The following KLHL5 variants were observed in gnomAD, a reference collection of about 807,000 sequenced individuals.
The protein encoded by KLHL5 is kelch like family member 5, also known as kelch-like protein 5.
In KLHL5, 48 loss-of-function variants were observed where a neutral mutation model predicts 77.7. That is an observed-to-expected ratio of 0.62 (90% CI 0.49 to 0.79). The LOEUF (loss-of-function observed/expected upper bound fraction) is 0.79. KLHL5 is among the 30% of genes least tolerant of loss of function. The pLI, the probability that KLHL5 is intolerant of heterozygous loss-of-function variation, is 0.00. For missense variants in KLHL5, 723 were observed against 859.7 expected, an observed-to-expected ratio of 0.84 and a Z score of 1.99; for synonymous variants, 260 against 297.0, an observed-to-expected ratio of 0.88 and a Z score of 1.28.
Position 39,096,822 on chromosome 4 carries a change from C to T in KLHL5, c.1244C>T (p.Pro415Leu). ...RPMLQSPRTKPRKSTVGTLFA... is the reference protein window; with the variant it reads ...RPMLQSPRTKLRKSTVGTLFA... ...ATGTTACAAAGTCCTCGGACAAAAC[C>T]TAGGAAGTCAACTGTTGGTACATTA... The change falls in exon 6 of 11, where the codon CCT becomes CTT. Residue 415 changes from proline (P) to leucine (L), a missense_variant. Coordinates refer to ENST00000504108, the MANE Select transcript of KLHL5 (RefSeq NM_015990.5). 6.2e-7 allele frequency: 1 copy of T among 1,613,798 alleles called. No individual in the cohort carries two copies. Among genetic ancestry groups the T allele is most frequent in the Non-Finnish European group, 8.5e-7 (1 of 1,179,824 alleles).
chr4:39,092,755 A>G (rs1163396947), intron 5 of KLHL5, among the ~76,000 whole-genome samples: 1 of 152,182 alleles, frequency 6.6e-6, no homozygotes, highest in East Asian at 1.9e-4. Flanking sequence ...CTCTTCGTCT[A>G]TAAAAACATG....
intron 5 of KLHL5, among the ~76,000 whole-genome samples, chr4:39,095,443 C>T (rs955289900): frequency 2.6e-5 from 4 of 152,048 alleles, no homozygotes; most frequent in African/African-American, 4.8e-5. Flanking sequence ...CATATATGTG[C>T]ACACACATGC....
In KLHL5 at chr4:39,062,425, C is replaced by T. The variant is rs1717500608; in HGVS notation, c.-228C>T. 9 of 1,500,648 alleles carry T rather than the reference C, an allele frequency of 6.0e-6. No homozygotes were observed. Among genetic ancestry groups the T allele is most frequent in the Middle Eastern group, 2.5e-4 (1 of 4,018 alleles). 93.0% of individuals were successfully genotyped at this position (1,500,648 alleles called of 1,614,324 possible). ...TGGATGAGAGTTTGCTCTGATTGAA[C>T]GGAATGTTCCACCGTGTTTCATCTT... On this transcript the variant is annotated 5_prime_UTR_variant, in exon 1 of 11. It adds an upstream start codon to the 5' untranslated region. Coordinates refer to ENST00000504108, the MANE Select transcript of KLHL5 (RefSeq NM_015990.5).
rs1465824749 is a variant in KLHL5 at position 39,122,706 on chromosome 4, G to A, written c.*1640G>A. ...CGGGTGCCTGTACGCCCAGCTACTC[G>A]GGAGGCTGAGGCGGGAGAATGGCGT... On this transcript the variant is annotated 3_prime_UTR_variant, in exon 11 of 11. Transcript: ENST00000504108. Among the ~76,000 whole-genome samples the A allele has an allele frequency of 6.6e-6, 1 of 152,008 alleles. No homozygotes were observed. Among genetic ancestry groups the A allele is most frequent in the African/African-American group, 2.4e-5 (1 of 41,386 alleles).
At chr4:39,105,260 C>T (rs1234484764) in intron 7 of KLHL5, among the ~76,000 whole-genome samples, 1 of 151,824 alleles carries the variant, frequency 6.6e-6, no homozygotes, top group African/African-American at 2.4e-5. Flanking sequence ...AGTCCTCCCA[C>T]CTCAGCCTCT....
At chr4:39,055,143 CT>C (rs1215422567) in intron 1 of KLHL5, among the ~76,000 whole-genome samples, 1 of 152,192 alleles carries the variant, frequency 6.6e-6, no homozygotes, top group East Asian at 1.9e-4. Flanking sequence ...AAAGCAGGGC[CT>C]GTCAAAGGCC....
At chr4:39,048,550 G>T (rs1348388139) in intron 1 of KLHL5, among the ~76,000 whole-genome samples, 16 of 151,812 alleles carry the variant, frequency 1.1e-4, no homozygotes, top group Non-Finnish European at 1.5e-5. Context: ...ATTACAAATG[G>T]TCAGTCTCAG....
At chr4:39,067,776 G>A (rs2109310420) in intron 1 of KLHL5, among the ~76,000 whole-genome samples, 1 of 151,606 alleles carries the variant, frequency 6.6e-6, no homozygotes, top group South Asian at 2.1e-4. Flanking sequence ...TGCCTCCTGG[G>A]TTCAAGCGAT....
intron 6 of KLHL5, among the ~76,000 whole-genome samples, chr4:39,097,550 ATGCCGTCCTTGCCAGGAGCATATAACC>A (rs780451977): frequency 6.6e-4 from 100 of 152,360 alleles, no homozygotes; most frequent in Middle Eastern, 3.4e-3. Flanking sequence ...CCGCCCATCT[ATGCCGTCCTTGCCAGGAGCATATAACC>A]TGAATCTAAT....
chr4:39,069,010 T>C (rs891434), intron 1 of KLHL5, among the ~76,000 whole-genome samples: 110,600 of 152,146 alleles, frequency 0.73, 40,366 homozygotes, highest in East Asian at 0.82. Context: ...CCAGGGCGGA[T>C]AGGTAGCTCT....
At chr4:39,103,082 A>G (rs1721734571) in intron 6 of KLHL5, among the ~76,000 whole-genome samples, 1 of 151,892 alleles carries the variant, frequency 6.6e-6, no homozygotes, top group African/African-American at 2.4e-5. Context: ...ACCTTTTCTT[A>G]CTGGGGCCTG....
chr4:39,082,274 A>C, intron 4 of KLHL5, 115 bp downstream of exon 4: 1 of 794,806 alleles, frequency 1.3e-6, no homozygotes, highest in Non-Finnish European at 2.0e-6. Context: ...CTTGCGATTG[A>C]GCTTCATTGC....
chr4:39,045,014 G>A, upstream of KLHL5: 1 of 993,050 alleles, frequency 1.0e-6, no homozygotes, highest in South Asian at 4.4e-5. Context: ...CAGCTCGCCG[G>A]CCCCGGCCCC....
At chr4:39,137,277 G>A in the KLHL5 span, among the ~76,000 whole-genome samples, 24 of 151,650 alleles carry the variant, frequency 1.6e-4, no homozygotes, top group African/African-American at 5.8e-4. Flanking sequence ...CCTTAACTCT[G>A]AACTGAGCCA....
chr4:39,096,951 A>C, intron 6 of KLHL5, 73 bp downstream of exon 6: 1 of 1,252,480 alleles, frequency 8.0e-7, no homozygotes, highest in Non-Finnish European at 1.1e-6. Context: ...TATATGGCCA[A>C]AGAACTCTTT....
At chr4:39,048,398 A>G (rs552581470) in intron 1 of KLHL5, among the ~76,000 whole-genome samples, 1 of 152,312 alleles carries the variant, frequency 6.6e-6, no homozygotes, top group South Asian at 2.1e-4. Flanking sequence ...CACTCCATTT[A>G]TGAGAAAGGG....
the KLHL5 span, among the ~76,000 whole-genome samples, chr4:39,132,406 C>T: frequency 6.6e-6 from 1 of 151,982 alleles, no homozygotes; most frequent in African/African-American, 2.4e-5. Context: ...CTCACAAGTT[C>T]GAGACCAGTC....
At chr4:39,068,854 C>T (rs530685341) in intron 1 of KLHL5, among the ~76,000 whole-genome samples, 2 of 152,140 alleles carry the variant, frequency 1.3e-5, no homozygotes, top group South Asian at 2.1e-4. Flanking sequence ...TAGTTAACTA[C>T]GTAACTACAT....
At position 39,082,025 on chromosome 4, in the gene KLHL5, C is replaced by T; in HGVS notation, c.766C>T (p.Leu256Phe). 6.2e-7 allele frequency: 1 copy of T among 1,613,592 alleles called. No homozygotes were observed. The highest frequency in any genetic ancestry group is 8.5e-7 in the Non-Finnish European group (1 of 1,179,814). The change falls in exon 4 of 11, where the codon CTT (leucine) becomes TTT (phenylalanine). Residue 256 changes from leucine (L) to phenylalanine (F), a missense_variant. Physicochemically the swap from Leu to Phe is conservative, Grantham distance 22. This residue lies in a region of KLHL5 where 288 missense variants were observed against 400.3 expected (regional missense o/e 0.72). Coordinates refer to ENST00000504108, the MANE Select transcript of KLHL5 (RefSeq NM_015990.5). ...CLLSTACLLQ[L>F]SQVVEACCKF... ...GTTATCTACAGCTTGCCTTCTTCAG[C>T]TTTCACAGGTTGTAGAAGCATGCTG...
Sources: allele counts gnomAD v4.1 joint callset (sites outside exome capture counted in the v4.1 genomes callset), GRCh38; gene constraint gnomAD v4.1.1; regional missense constraint gnomAD v4.1.1; transcripts MANE v1.5; gene names NCBI Gene and HGNC (gene_info 2026-07-23, HGNC 2026-07-21).